Variants in VNN2 observed in about 807,000 individuals in gnomAD.
VNN2 encodes vanin 2.
VNN2 carries 43 observed loss-of-function variants against 43.0 expected under a neutral mutation model. That is an observed-to-expected ratio of 1.00 (90% CI 0.78 to 1.29). The LOEUF is 1.29. Among genes scored for constraint, VNN2 ranks in the 50% most tolerant of loss-of-function variants. The pLI is 0.00. For synonymous variants in VNN2, 230 were observed against 224.3 expected (o/e 1.03, Z -0.23); for missense variants, 652 against 619.7 (o/e 1.05, Z -0.55).
chr6:132,758,283 T>A (rs1342974741), upstream of VNN2, among the ~76,000 whole-genome samples: 1 of 152,002 alleles, frequency 6.6e-6, no homozygotes, highest in Non-Finnish European at 1.5e-5. Flanking sequence ...GATCTTGTGA[T>A]CCATCCACCT....
chr6:132,758,194 G>C (rs1201543107), upstream of VNN2, among the ~76,000 whole-genome samples: 2 of 151,560 alleles, frequency 1.3e-5, no homozygotes, highest in African/African-American at 2.4e-5. Flanking sequence ...ACAGGTGCGC[G>C]CCACCACGTC....
At chr6:132,745,841 A>G (rs930808439) in intron 6 of VNN2, among the ~76,000 whole-genome samples, 1 of 152,252 alleles carries the variant, frequency 6.6e-6, no homozygotes, top group African/African-American at 2.4e-5. Context: ...AAACAGAACA[A>G]GAATAAAAGA....
chr6:132,762,722 A>G (rs962526158), upstream of VNN2, among the ~76,000 whole-genome samples: 3 of 152,226 alleles, frequency 2.0e-5, no homozygotes, highest in Admixed American at 2.0e-4. Context: ...AGCAAATCTG[A>G]GAAGGTAATG....
In VNN2 at chr6:132,751,464, G is replaced by A. The variant is rs566493862; in HGVS notation, c.881C>T (p.Thr294Ile). Residue 294 changes from threonine to isoleucine, a missense_variant, in exon 5 of 7, where the codon ACA becomes ATA. Transcript: ENST00000326499. ...GPKVYHYDMK[T>I]ELGKLLLSEV... ...TGAAAGGAGAAGTTTTCCCAACTCTGTCTTCATGTCATAATGATACACTTT... is the reference window on the plus strand; with the variant it reads ...TGAAAGGAGAAGTTTTCCCAACTCTATCTTCATGTCATAATGATACACTTT... 108 of 1,614,108 alleles carry A rather than the reference G, an allele frequency of 6.7e-5. 2 individuals are homozygous for A. In the South Asian group the frequency reaches 1.2e-3, roughly 17 times the overall value.
At chr6:132,758,018 C>CTTTTTTTT (rs1332482113), upstream of VNN2, 2 of 158,988 alleles carry the variant, frequency 1.3e-5, no homozygotes, top group African/African-American at 2.6e-4. Context: ...TCTTCTTCTT[C>CTTTTTTTT]TTCTTCTTCT....
intron 2 of VNN2, 111 bp downstream of exon 2, chr6:132,757,305 A>G: frequency 7.9e-7 from 1 of 1,263,828 alleles, no homozygotes; most frequent in Non-Finnish European, 1.0e-6. Flanking sequence ...GATAAATATA[A>G]CCATAACATA....
At chr6:132,753,010 C>G (rs907397135) in intron 3 of VNN2, 2 of 393,792 alleles carry the variant, frequency 5.1e-6, no homozygotes, top group Non-Finnish European at 9.1e-6. Context: ...AATACCCCCC[C>G]ATAAACCCCA....
At chr6:132,763,235 A>G (rs1780780517) in intron 1 of VNN2, 1 of 152,036 alleles carries the variant, frequency 6.6e-6, no homozygotes, top group African/African-American at 2.4e-5. Context: ...CTTAAAAAAA[A>G]AAAAGATAGA....
intron 6 of VNN2, among the ~76,000 whole-genome samples, chr6:132,747,895 C>G: frequency 6.6e-6 from 1 of 152,166 alleles, no homozygotes; most frequent in East Asian, 1.9e-4. Flanking sequence ...TGGCTTTGGA[C>G]CTTTAACCTA....
chr6:132,751,305 T>C lies in VNN2; in HGVS notation c.1040A>G (p.Asn347Ser). ...FRGFISRDGF[N>S]FTELFENAGN... is the part of the protein sequence containing the mutation. ...TGCATTTTCAAAAAGTTCTGTGAAG[T>C]TGAACCCATCCCTGGAAATAAATCC... The change falls in exon 5 of 7, where the codon AAC becomes AGC. Residue 347 changes from asparagine (N) to serine (S), a missense_variant. By Grantham distance (46) the Asn-to-Ser change is conservative. Transcript: ENST00000326499. 6.2e-7 allele frequency: 1 copy of C among 1,614,182 alleles called. No homozygotes were observed. Among genetic ancestry groups the C allele is most frequent in the South Asian group, 1.1e-5 (1 of 91,088 alleles).
chr6:132,747,870 G>A (rs1779812740), intron 6 of VNN2, among the ~76,000 whole-genome samples: 1 of 152,184 alleles, frequency 6.6e-6, no homozygotes, highest in South Asian at 2.1e-4. Context: ...CAGAGTAAGA[G>A]TGAAATGGTA....
Position 132,751,354 on chromosome 6 carries a change from G to A in VNN2, c.991C>T (p.Pro331Ser). ...NAYATTIKPF[P>S]VQKNTFRGFI... ...CCCCTGAAAGTGTTTTTCTGTACTGGAAATGGTTTGATGGTGGTGGCGTAG... is the reference window on the plus strand; with the variant it reads ...CCCCTGAAAGTGTTTTTCTGTACTGAAAATGGTTTGATGGTGGTGGCGTAG... Residue 331 changes from proline (P) to serine (S), a missense_variant, in exon 5 of 7, where the codon CCA becomes TCA. Coordinates refer to ENST00000326499, the MANE Select transcript of VNN2 (RefSeq NM_004665.6). The A allele has an allele frequency of 1.2e-6, 2 of 1,614,130 alleles. No individual in the cohort carries two copies. The highest frequency in any genetic ancestry group is 1.7e-6 in the Non-Finnish European group (2 of 1,180,004).
At chr6:132,750,211 T>C (rs34566637) in intron 5 of VNN2, among the ~76,000 whole-genome samples, 13 of 152,238 alleles carry the variant, frequency 8.5e-5, no homozygotes, top group Admixed American at 2.0e-4. Flanking sequence ...TTAAAATTTT[T>C]TCCACCCTTT....
At position 132,750,514 on chromosome 6, in the gene VNN2, T is replaced by TATATATATATATATATATATATA. The variant is rs369805846; in HGVS notation, c.1200+630_1200+631insTATATATATATATATATATATAT. Among the ~76,000 whole-genome samples the TATATATATATATATATATATATA allele has an allele frequency of 3.0e-4, 34 of 114,258 alleles. 1 individual carries two copies. Among genetic ancestry groups the TATATATATATATATATATATATA allele is most frequent in the Non-Finnish European group, 3.9e-4 (21 of 53,234 alleles). 75.0% of individuals were successfully genotyped at this position (114,258 alleles called of 152,430 possible). On this transcript the variant is annotated intron_variant, in intron 5 of 6. Coordinates refer to ENST00000326499, the MANE Select transcript of VNN2 (RefSeq NM_004665.6). ...GTATATGTGTATATATATATATATA[T>TATATATATATATATATATATATA]TTTTCCAGGTGTGGTGGCACATGCC... is the stretch of plus-strand genomic sequence containing the variant.
intron 6 of VNN2, among the ~76,000 whole-genome samples, chr6:132,745,479 G>T (rs902788779): frequency 3.3e-5 from 5 of 152,208 alleles, no homozygotes; most frequent in African/African-American, 1.2e-4. Flanking sequence ...GCCTCCCAAA[G>T]TGCTGGGATT....
chr6:132,758,961 T>TCTCCTTCTCCTCCTA (rs34094382), upstream of VNN2, among the ~76,000 whole-genome samples: 4 of 151,734 alleles, frequency 2.6e-5, no homozygotes, highest in East Asian at 3.9e-4. Context: ...TCCCCCTACT[T>TCTCCTTCTCCTCCTA]CTCCTTCTCC....
upstream of VNN2, among the ~76,000 whole-genome samples, chr6:132,758,673 ATACTTAC>A (rs370744022): frequency 1.1e-3 from 166 of 152,314 alleles, 3 homozygotes; most frequent in African/African-American, 3.9e-3. Context: ...AAAATATTAA[ATACTTAC>A]TACTAAGAAA....
At chr6:132,758,021 CTTCTTCTTCTTCTTCTTCTTTTT>C, upstream of VNN2, 1 of 70,570 alleles carries the variant, frequency 1.4e-5, no homozygotes, top group South Asian at 4.2e-4. Flanking sequence ...TCTTCTTCTT[CTTCTTCTTCTTCTTCTTCTTTTT>C]TTTTTTTTTT....
chr6:132,762,229 C>T (rs1780755736), upstream of VNN2, among the ~76,000 whole-genome samples: 1 of 152,200 alleles, frequency 6.6e-6, no homozygotes, highest in Non-Finnish European at 1.5e-5. Flanking sequence ...AGAGGAGCTG[C>T]TCCAGGCTCT....
Sources: allele counts gnomAD v4.1 joint callset (sites outside exome capture counted in the v4.1 genomes callset), GRCh38; gene constraint gnomAD v4.1.1; transcripts MANE v1.5; gene names NCBI Gene and HGNC (gene_info 2026-07-23, HGNC 2026-07-21).